The following SYNE2 variants were observed in gnomAD, a reference collection of about 807,000 sequenced individuals.
SYNE2 encodes the protein spectrin repeat containing nuclear envelope protein 2.
A neutral mutation model predicts 856.3 loss-of-function variants in SYNE2; 431 were observed. The ratio of observed to expected loss-of-function variants is 0.50; its 90% CI spans 0.47 to 0.55. The LOEUF (loss-of-function observed/expected upper bound fraction) is 0.55, where lower values mean the gene tolerates loss of function less well. Ranked by LOEUF, SYNE2 falls within the 20% of genes least tolerant of loss-of-function variation. The pLI, the probability that SYNE2 is intolerant of heterozygous loss-of-function variation, is 0.00. For missense variants in SYNE2, 8,129 were observed against 8,023.2 expected (o/e 1.01, Z -0.50); for synonymous variants, 2,923 against 2,872.3 (o/e 1.02, Z -0.56).
At position 64,044,030 on chromosome 14, in the gene SYNE2, C is replaced by T. The variant is rs185186359; in HGVS notation, c.7222-3970C>T. Among the ~76,000 whole-genome samples the T allele has an allele frequency of 1.1e-4, 16 of 152,334 alleles. No homozygotes were observed. In the East Asian group the frequency reaches 3.1e-3, roughly 29 times the overall value. On this transcript the variant is annotated intron_variant, in intron 45 of 115. Transcript: ENST00000555002. ...ATGCCACCACACCGAGCAAATGCCACTGTCCTCCAGACCCCAGAATGGTAG... is the reference window on the plus strand; with the variant it reads ...ATGCCACCACACCGAGCAAATGCCATTGTCCTCCAGACCCCAGAATGGTAG...
chr14:64,189,948 C>A, intron 98 of SYNE2, 123 bp from the exon 99 acceptor site: 1 of 1,120,508 alleles, frequency 8.9e-7, no homozygotes, highest in South Asian at 1.4e-5. Flanking sequence ...TTGGTATGAG[C>A]CACTATGCCT....
At chr14:64,119,739 A>T in intron 67 of SYNE2, 130 bp downstream of exon 67, 1 of 870,478 alleles carries the variant, frequency 1.1e-6, no homozygotes, top group African/African-American at 1.7e-5. Flanking sequence ...AATTTCACAC[A>T]TTAACACCAT....
At chr14:64,119,713 G>A (rs2097883613) in intron 67 of SYNE2, 104 bp downstream of exon 67, 1 of 1,178,606 alleles carries the variant, frequency 8.5e-7, no homozygotes, top group South Asian at 1.5e-5. Flanking sequence ...CAGAGAAACT[G>A]TACTAAGTGT....
Position 64,133,922 on chromosome 14 carries a change from G to A in SYNE2, c.14515-147G>A, listed in dbSNP as rs2098054927. The A allele has an allele frequency of 3.6e-6, 3 of 822,536 alleles. No homozygotes were observed. In the African/African-American group the frequency reaches 5.2e-5, roughly 14 times the overall value. 51.0% of individuals were successfully genotyped at this position (822,536 alleles called of 1,614,324 possible). Reference sequence around the variant, plus strand: ...TTAGATGCTGAGCGCTTACCAGGGTGGGGTTACGTCTCTCGAACACACCTG... The same window carrying A: ...TTAGATGCTGAGCGCTTACCAGGGTAGGGTTACGTCTCTCGAACACACCTG... On this transcript the variant is annotated intron_variant, in intron 77 of 115. Transcript: ENST00000555002.
rs547429217 is a variant in SYNE2, at chr14:64,154,994, T to C, written c.15792+2278T>C. Among the ~76,000 whole-genome samples, 3 of 152,292 alleles carry C rather than the reference T, an allele frequency of 2.0e-5. No homozygotes were observed. In the South Asian group the frequency reaches 6.2e-4, roughly 32 times the overall value. On this transcript the variant is annotated intron_variant, in intron 85 of 115. Coordinates refer to ENST00000555002, the MANE Select transcript of SYNE2 (RefSeq NM_182914.3). ...AGACAGACAGTAACAAGTGTTAATG[T>C]GGATGTGGAGACGTAACCCTCACAA...
intron 96 of SYNE2, among the ~76,000 whole-genome samples, chr14:64,180,054 G>T (rs547949475): frequency 6.6e-6 from 1 of 152,066 alleles, no homozygotes; most frequent in Non-Finnish European, 1.5e-5. Flanking sequence ...TTTTGCATAC[G>T]TTTTAAGGCA....
chr14:64,003,432 T>C (rs2096770386), intron 30 of SYNE2, 102 bp downstream of exon 30: 1 of 1,434,512 alleles, frequency 7.0e-7, no homozygotes, highest in African/African-American at 1.4e-5. Context: ...TCTGCTTCTA[T>C]TCCATCCCAC....
intron 43 of SYNE2, among the ~76,000 whole-genome samples, chr14:64,028,908 T>A (rs1395767296): frequency 6.6e-6 from 1 of 151,932 alleles, no homozygotes; most frequent in Non-Finnish European, 1.5e-5. Flanking sequence ...GAGGCTGAGG[T>A]GGGTGGATCA....
chr14:63,766,753 T>G (rs2139693706), intron 1 of SYNE2, among the ~76,000 whole-genome samples: 1 of 152,316 alleles, frequency 6.6e-6, no homozygotes, highest in South Asian at 2.1e-4. Flanking sequence ...CCTCTCCCAC[T>G]CACTCCCCTT....
chr14:63,955,065 AAAC>A, intron 8 of SYNE2, 150 bp downstream of exon 8: 2 of 696,210 alleles, frequency 2.9e-6, no homozygotes, highest in Non-Finnish European at 4.9e-6. Flanking sequence ...TGATGCAATC[AAAC>A]AATTCCTACC....
chr14:64,083,994 G>A (rs2097542227), intron 57 of SYNE2, among the ~76,000 whole-genome samples: 1 of 149,238 alleles, frequency 6.7e-6, no homozygotes, highest in Non-Finnish European at 1.5e-5. Context: ...GTGCGATCTT[G>A]GCTCACCGCA....
intron 93 of SYNE2, among the ~76,000 whole-genome samples, chr14:64,169,491 G>A (rs2098399924): frequency 6.6e-6 from 1 of 152,230 alleles, no homozygotes; most frequent in African/African-American, 2.4e-5. Flanking sequence ...CTAATGCTGA[G>A]TGAGTCTGCT....
At chr14:63,771,235 AT>A (rs371916747) in intron 1 of SYNE2, among the ~76,000 whole-genome samples, 7,347 of 150,746 alleles carry the variant, frequency 0.049, 209 homozygotes, top group Middle Eastern at 0.082. Flanking sequence ...ACGCCCGGCT[AT>A]TTTTTTTGTA....
At chr14:63,952,199 C>G (rs1255869) in intron 7 of SYNE2, among the ~76,000 whole-genome samples, 103,102 of 151,984 alleles carry the variant, frequency 0.68, 35,217 homozygotes, top group South Asian at 0.76. Flanking sequence ...TCTGGCAGCA[C>G]CGTCTTTGTG....
chr14:64,016,045 G>A (rs2153525976), intron 32 of SYNE2, among the ~76,000 whole-genome samples: 1 of 152,046 alleles, frequency 6.6e-6, no homozygotes, highest in South Asian at 2.1e-4. Flanking sequence ...AATCCAAGAT[G>A]TCTTAGAGTT....
rs34053312 is a variant in SYNE2 at position 63,815,948 on chromosome 14, C to CT, written c.-304-36534dup. On this transcript the variant is annotated intron_variant, in intron 1 of 23. Coordinates refer to the SYNE2 transcript ENST00000674003. ...ATAGAAATGTTCTTATTAAATTATT[C>CT]TTTTTTTTTTTTTTTTTTTGAGATG... Among the ~76,000 whole-genome samples the CT allele has an allele frequency of 9.2e-3, 1,191 of 128,902 alleles. 18 individuals are homozygous for CT. Among genetic ancestry groups the CT allele is most frequent in the East Asian group, 0.035 (162 of 4,574 alleles). 84.6% of individuals were successfully genotyped at this position (128,902 alleles called of 152,430 possible). A position where few individuals can be genotyped will look rare whatever the true frequency, so the allele number is the denominator to read the frequency against.
At chr14:64,072,936 A>C (rs2097424061) in intron 52 of SYNE2, among the ~76,000 whole-genome samples, 3 of 152,230 alleles carry the variant, frequency 2.0e-5, no homozygotes, top group Admixed American at 2.0e-4. Context: ...AATAAAGGAT[A>C]TAATGAAGGA....
chr14:64,066,773 G>T (rs1360771621), intron 51 of SYNE2, among the ~76,000 whole-genome samples: 1 of 152,164 alleles, frequency 6.6e-6, no homozygotes, highest in African/African-American at 2.4e-5. Flanking sequence ...GTTCACACCT[G>T]TTCTCACTGA....
chr14:63,790,481 C>T (rs12878017), intron 1 of SYNE2, among the ~76,000 whole-genome samples: 96,331 of 152,098 alleles, frequency 0.63, 30,976 homozygotes, highest in South Asian at 0.77. Flanking sequence ...TTCTGACTTC[C>T]ATTACTGTTT....
Sources: gnomAD v4.1 joint callset for allele counts (sites outside exome capture counted in the v4.1 genomes callset) on GRCh38, gnomAD v4.1.1 for gene constraint, MANE v1.5 for transcripts, NCBI Gene and HGNC (gene_info 2026-07-23, HGNC 2026-07-21) for gene names.